Variants in MARCHF4 observed in about 807,000 individuals in gnomAD.
The protein encoded by MARCHF4 is membrane associated ring-CH-type finger 4.
Under a neutral mutation model 43.9 loss-of-function variants are expected in MARCHF4, and 14 were observed. The observed-to-expected ratio is 0.32, with a 90% CI of 0.21 to 0.50. The LOEUF is 0.50. MARCHF4 is among the 20% of genes least tolerant of loss of function. The pLI is 0.98. For missense variants in MARCHF4, 468 were observed against 536.7 expected (o/e 0.87, Z 1.27); for synonymous variants, 226 against 213.3 (o/e 1.06, Z -0.52).
intron 1 of MARCHF4, among the ~76,000 whole-genome samples, chr2:216,320,057 G>T (rs961716986): frequency 4.6e-5 from 7 of 152,126 alleles, no homozygotes; most frequent in Admixed American, 1.3e-4. Flanking sequence ...CCTCTCCCCA[G>T]TGTGATGGGT....
intron 1 of MARCHF4, among the ~76,000 whole-genome samples, chr2:216,344,264 C>CAAACA (rs1553519109): frequency 1.9e-4 from 29 of 151,492 alleles, no homozygotes; most frequent in African/African-American, 6.6e-4. Flanking sequence ...AACAAACAAA[C>CAAACA]AAAAAAACAT....
chr2:216,320,639 C>CTT (rs1480108472), intron 1 of MARCHF4, among the ~76,000 whole-genome samples: 2 of 119,706 alleles, frequency 1.7e-5, no homozygotes, highest in Non-Finnish European at 3.4e-5. Flanking sequence ...TTCTTTCTTT[C>CTT]TTTCTTTCTT....
At chr2:216,329,954 C>T (rs971612394) in intron 1 of MARCHF4, among the ~76,000 whole-genome samples, 16 of 151,822 alleles carry the variant, frequency 1.1e-4, no homozygotes, top group African/African-American at 3.9e-4. Flanking sequence ...TGTGGTGATG[C>T]ACACCTGTCG....
chr2:216,305,706 G>A (rs1038738755), intron 1 of MARCHF4, among the ~76,000 whole-genome samples: 4 of 152,172 alleles, frequency 2.6e-5, no homozygotes, highest in Non-Finnish European at 5.9e-5. Context: ...CCATGTTTTT[G>A]GCCTTCCACT....
intron 3 of MARCHF4, among the ~76,000 whole-genome samples, chr2:216,266,781 C>T (rs146333085): frequency 7.2e-4 from 109 of 152,236 alleles, no homozygotes; most frequent in Middle Eastern, 3.4e-3. Flanking sequence ...TGAATATAAC[C>T]GGCTATTTTG....
At chr2:216,290,373 A>AG (rs1439082115) in intron 1 of MARCHF4, among the ~76,000 whole-genome samples, 1 of 152,208 alleles carries the variant, frequency 6.6e-6, no homozygotes, top group African/African-American at 2.4e-5. Flanking sequence ...GGTATGTTCT[A>AG]GGGGAACCAA....
intron 1 of MARCHF4, among the ~76,000 whole-genome samples, chr2:216,354,916 T>TTCCC: frequency 9.6e-6 from 1 of 103,968 alleles, no homozygotes; most frequent in Non-Finnish European, 1.9e-5. Flanking sequence ...TCTTTCTTTC[T>TTCCC]TTCTTTCTTT....
chr2:216,371,927 C>T lies in MARCHF4; in HGVS notation c.-1667G>A, dbSNP rs1043267064. The T allele has an allele frequency of 5.3e-5, 8 of 151,172 alleles. No individual in the cohort carries two copies. Among genetic ancestry groups the T allele is most frequent in the Non-Finnish European group, 8.9e-5 (6 of 67,730 alleles). 9.4% of individuals were successfully genotyped at this position (151,172 alleles called of 1,614,324 possible). On this transcript the variant is annotated 5_prime_UTR_variant, in exon 1 of 4. Coordinates refer to ENST00000273067, the MANE Select transcript of MARCHF4 (RefSeq NM_020814.3). ...TCCACCGCCTCTGGCTGGCTAGGCT[C>T]GCTGTTGCTACCTCTCCTCGCAGAT... is the stretch of plus-strand genomic sequence containing the variant.
rs1338503332 is a variant in MARCHF4 at position 216,371,457 on chromosome 2, G to A, written c.-1197C>T. ...GCGGTCGCCCTCCTCCTCCGGCTCC[G>A]GGTCGGCCCGCGCCCGCAGCTGCTG... On this transcript the variant is annotated 5_prime_UTR_variant, in exon 1 of 4. Coordinates refer to ENST00000273067, the MANE Select transcript of MARCHF4 (RefSeq NM_020814.3). 6.6e-6 allele frequency: 1 copy of A among 152,418 alleles called. No individual in the cohort carries two copies. The highest frequency in any genetic ancestry group is 2.4e-5 in the African/African-American group (1 of 41,448). 9.4% of individuals were successfully genotyped at this position (152,418 alleles called of 1,614,324 possible). A position where few individuals can be genotyped will look rare whatever the true frequency, so the allele number is the denominator to read the frequency against.
intron 1 of MARCHF4, among the ~76,000 whole-genome samples, chr2:216,356,530 A>C (rs1692505836): frequency 6.6e-6 from 1 of 152,188 alleles, no homozygotes; most frequent in African/African-American, 2.4e-5. Flanking sequence ...CGGAGGATTT[A>C]ATTGATTTGC....
At chr2:216,288,286 T>C (rs974019672) in intron 1 of MARCHF4, among the ~76,000 whole-genome samples, 7 of 152,208 alleles carry the variant, frequency 4.6e-5, no homozygotes, top group African/African-American at 1.7e-4. Context: ...AATGAGATCA[T>C]ATATGCAAGA....
At position 216,369,802 on chromosome 2, in the gene MARCHF4, G is replaced by C; in HGVS notation, c.459C>G (p.Ser153Arg). 1 of 1,613,218 alleles carries C rather than the reference G, an allele frequency of 6.2e-7. No individual in the cohort carries two copies. Among genetic ancestry groups the C allele is most frequent in the Non-Finnish European group, 8.5e-7 (1 of 1,179,620 alleles). Residue 153 changes from serine to arginine, a missense_variant, in exon 1 of 4, where the codon AGC becomes AGG. Physicochemically the swap from Ser to Arg is moderately radical, Grantham distance 110 (BLOSUM62 -1). Around this residue, in one of 3 missense-constraint regions of MARCHF4, gnomAD observed 158 missense variants for 251.1 expected, o/e 0.63. Transcript: ENST00000273067. ...GTGGGGTCCTCATACCACTGTCCAA[G>C]CTGCTGCCCAGTGAGTAGCGATCCT... ...KTEDRYSLGS[S>R]LDSGMRTPLC...
At chr2:216,260,459 G>A (rs1365174395) in intron 3 of MARCHF4, among the ~76,000 whole-genome samples, 1 of 152,186 alleles carries the variant, frequency 6.6e-6, no homozygotes, top group Non-Finnish European at 1.5e-5. Flanking sequence ...GGTGGGAAAG[G>A]CCTTTTGGAG....
At chr2:216,361,611 T>G (rs1692581234) in intron 1 of MARCHF4, among the ~76,000 whole-genome samples, 1 of 152,102 alleles carries the variant, frequency 6.6e-6, no homozygotes, top group African/African-American at 2.4e-5. Flanking sequence ...TAAAGACAAC[T>G]ATGTTGGGAG....
intron 1 of MARCHF4, among the ~76,000 whole-genome samples, chr2:216,313,435 C>T (rs1851327): frequency 0.4 from 61,213 of 151,970 alleles, 13,185 homozygotes; most frequent in Middle Eastern, 0.52. Flanking sequence ...TCCTAGTGTG[C>T]TACTTTCACA....
intron 1 of MARCHF4, among the ~76,000 whole-genome samples, chr2:216,327,463 T>C (rs896531174): frequency 2.6e-5 from 4 of 152,248 alleles, no homozygotes; most frequent in Middle Eastern, 6.8e-3. Flanking sequence ...TAGAAGGACC[T>C]TGGTACAGTC....
At chr2:216,312,794 G>T (rs1284162801) in intron 1 of MARCHF4, among the ~76,000 whole-genome samples, 1 of 152,136 alleles carries the variant, frequency 6.6e-6, no homozygotes, top group Non-Finnish European at 1.5e-5. Flanking sequence ...TTTGTCAGAG[G>T]CATAATTTGC....
Position 216,275,568 on chromosome 2 carries a change from CT to C in MARCHF4, c.865+2103del, listed in dbSNP as rs527338376. The stretch of plus-strand genomic sequence containing the variant: ...AAGAACCTTGAGCAGATTATTTCCT[CT>C]CTCTGAGCCTCAGTTCTCTCAGCTG... On this transcript the variant is annotated intron_variant, in intron 3 of 3. Transcript: ENST00000273067. Among the ~76,000 whole-genome samples the C allele has an allele frequency of 4.9e-3, 740 of 152,344 alleles. 9 individuals are homozygous for C. The highest frequency in any genetic ancestry group is 4.9e-3 in the Non-Finnish European group (336 of 68,026).
At chr2:216,360,991 T>G (rs1692568235) in intron 1 of MARCHF4, among the ~76,000 whole-genome samples, 1 of 152,006 alleles carries the variant, frequency 6.6e-6, no homozygotes, top group African/African-American at 2.4e-5. Flanking sequence ...AAGTATGGGA[T>G]GTTGATGGTG....
Sources: allele counts gnomAD v4.1 joint callset (sites outside exome capture counted in the v4.1 genomes callset), GRCh38; gene constraint gnomAD v4.1.1; regional missense constraint gnomAD v4.1.1; transcripts MANE v1.5; gene names NCBI Gene and HGNC (gene_info 2026-07-23, HGNC 2026-07-21).